The following PDE2A variants were observed in gnomAD, a reference collection of about 807,000 sequenced individuals.
The protein encoded by PDE2A is cGMP-dependent 3',5'-cyclic phosphodiesterase.
Under a neutral mutation model 133.6 loss-of-function variants are expected in PDE2A, and 53 were observed. The ratio of observed to expected loss-of-function variants is 0.40; its 90% CI spans 0.32 to 0.50. The LOEUF is 0.50. Among genes scored for constraint, PDE2A ranks in the 20% least tolerant of loss-of-function variants. The pLI is 0.73. For synonymous variants in PDE2A, 491 were observed against 490.2 expected (o/e 1.00, Z -0.02); for missense variants, 796 against 1,232.4 (o/e 0.65, Z 5.30).
intron 4 of PDE2A, among the ~76,000 whole-genome samples, chr11:72,603,837 A>G (rs1353573545): frequency 6.6e-6 from 1 of 152,222 alleles, no homozygotes; most frequent in African/African-American, 2.4e-5. Flanking sequence ...GAAGGTGGCT[A>G]TCAGAGCAGA....
Position 72,581,482 on chromosome 11 carries a change from G to C in PDE2A, c.1923-3C>G. On this transcript the variant is annotated splice_polypyrimidine_tract_variant and splice_region_variant and intron_variant, in intron 22 of 30. Coordinates refer to ENST00000334456, the MANE Select transcript of PDE2A (RefSeq NM_002599.5). Reference sequence around the variant, plus strand: ...CCTTCTTCACCATCAAACAGAACCTGGGGGAGGGAAGAGGGCAGAAGAGGG... The same window carrying C: ...CCTTCTTCACCATCAAACAGAACCTCGGGGAGGGAAGAGGGCAGAAGAGGG... 1 of 1,590,542 alleles carries C rather than the reference G, an allele frequency of 6.3e-7. No individual in the cohort carries two copies. The highest frequency in any genetic ancestry group is 8.6e-7 in the Non-Finnish European group (1 of 1,169,154).
chr11:72,632,372 T>C (rs1858450177), intron 2 of PDE2A, among the ~76,000 whole-genome samples: 1 of 152,112 alleles, frequency 6.6e-6, no homozygotes, highest in Non-Finnish European at 1.5e-5. Context: ...TGGGCCTGAG[T>C]GTCACCTGGA....
chr11:72,668,073 G>C (rs1220242689), intron 1 of PDE2A, among the ~76,000 whole-genome samples: 1 of 152,180 alleles, frequency 6.6e-6, no homozygotes, highest in Non-Finnish European at 1.5e-5. Flanking sequence ...GCTCTAATCA[G>C]AAAACCCTTG....
chr11:72,672,413 T>C (rs1241107408), intron 1 of PDE2A, among the ~76,000 whole-genome samples: 1 of 152,210 alleles, frequency 6.6e-6, no homozygotes, highest in East Asian at 1.9e-4. Context: ...CTCAAACTCC[T>C]GGCCTCAAGT....
intron 2 of PDE2A, among the ~76,000 whole-genome samples, chr11:72,609,114 C>CA (rs1268052859): frequency 2.0e-5 from 3 of 152,194 alleles, no homozygotes; most frequent in African/African-American, 7.2e-5. Context: ...AACAAGCAAA[C>CA]AAAAAAACAC....
At chr11:72,608,853 C>A in intron 2 of PDE2A, 102 bp from the exon 3 acceptor site, 2 of 674,526 alleles carry the variant, frequency 3.0e-6, no homozygotes, top group Admixed American at 2.3e-5. Context: ...TAGTCCAGAG[C>A]CCGAGTCTTT....
chr11:72,607,558 C>T (rs1336073650), intron 3 of PDE2A, among the ~76,000 whole-genome samples: 1 of 152,160 alleles, frequency 6.6e-6, no homozygotes, highest in African/African-American at 2.4e-5. Flanking sequence ...GGGCTCTGAA[C>T]TTCTAGGAGG....
chr11:72,657,415 G>C (rs899460886), intron 1 of PDE2A, among the ~76,000 whole-genome samples: 2 of 152,178 alleles, frequency 1.3e-5, no homozygotes, highest in Non-Finnish European at 2.9e-5. Flanking sequence ...CCCTCTGGAT[G>C]GAACAATCTG....
Position 72,674,340 on chromosome 11 carries a change from G to T in PDE2A, c.-133C>A. On this transcript the variant is annotated 5_prime_UTR_variant, in exon 1 of 31. Coordinates refer to ENST00000334456, the MANE Select transcript of PDE2A (RefSeq NM_002599.5). The stretch of plus-strand genomic sequence containing the variant: ...CAGTGGGCTGCCCCCTACTCAGCCT[G>T]GACTCAACACCCCAATCCAGCTCTG... 3 of 803,146 alleles carry T rather than the reference G, an allele frequency of 3.7e-6. No homozygotes were observed. In the South Asian group the frequency reaches 5.1e-5, roughly 14 times the overall value. 49.8% of individuals were successfully genotyped at this position (803,146 alleles called of 1,614,324 possible).
chr11:72,597,517 A>G lies in PDE2A; in HGVS notation c.426T>C (p.Asp142=). The change falls in exon 5 of 31, where the codon GAT becomes GAC. Residue 142 remains aspartate, a synonymous_variant. Transcript: ENST00000334456. This position sits in a 1 kb window ranked among gnomAD's most constrained non-coding sequence, Gnocchi z 4.6. The part of the protein sequence containing the change: ...LARLVAPLAP[D]TQVLVMPLAD... ...CCAGCCCCTAGCCCTTACCTTGGGT[A>G]TCAGGAGCCAGTGGAGCCACCAGCC... 1 of 1,600,448 alleles carries G rather than the reference A, an allele frequency of 6.2e-7. No individual in the cohort carries two copies. Among genetic ancestry groups the G allele is most frequent in the Non-Finnish European group, 8.5e-7 (1 of 1,174,034 alleles).
chr11:72,590,416 C>T lies in PDE2A; in HGVS notation c.703+11G>A, dbSNP rs1338685793. On this transcript the variant is annotated intron_variant, in intron 8 of 30. Transcript: ENST00000334456. The surrounding 1 kb of genome is among the most constrained non-coding windows in gnomAD (Gnocchi z 4.8). ...CCCCGCCCTCGTGACCTGTCCAGGC[C>T]GGGCCCTCACCGCACAGTTGGAGGA... The T allele has an allele frequency of 1.9e-6, 3 of 1,574,178 alleles. No individual in the cohort carries two copies. Among genetic ancestry groups the T allele is most frequent in the East Asian group, 2.3e-5 (1 of 43,830 alleles).
chr11:72,667,869 T>TAA (rs10636062), intron 1 of PDE2A, among the ~76,000 whole-genome samples: 46,134 of 132,884 alleles, frequency 0.35, 8,969 homozygotes, highest in Middle Eastern at 0.5. Flanking sequence ...CTGTCTCTAT[T>TAA]AAAAAAAAAA....
At chr11:72,579,032 A>G (rs1855591135) in intron 27 of PDE2A, 23 bp from the exon 28 acceptor site, 1 of 1,524,752 alleles carries the variant, frequency 6.6e-7, no homozygotes, top group East Asian at 2.3e-5. Context: ...GGATGGGGTC[A>G]AGGAGCGGGG....
intron 11 of PDE2A, 36 bp downstream of exon 11, chr11:72,589,715 T>C (rs368267005): frequency 1.2e-5 from 19 of 1,607,476 alleles, no homozygotes; most frequent in East Asian, 2.2e-5. Flanking sequence ...CAACCGCCCC[T>C]GCAGACTCCA....
intron 14 of PDE2A, 82 bp from the exon 15 acceptor site, chr11:72,585,675 G>T: frequency 8.0e-7 from 1 of 1,244,582 alleles, no homozygotes; most frequent in Non-Finnish European, 1.2e-6. Flanking sequence ...AACAGCACCC[G>T]GGTCTTCTCC....
chr11:72,659,081 G>A (rs1341727162), intron 1 of PDE2A, among the ~76,000 whole-genome samples: 2 of 151,898 alleles, frequency 1.3e-5, no homozygotes, highest in Non-Finnish European at 2.9e-5. Flanking sequence ...CTTTATAGTG[G>A]AGGAGACGGC....
intron 1 of PDE2A, among the ~76,000 whole-genome samples, chr11:72,643,854 T>C (rs1351889003): frequency 6.6e-6 from 1 of 152,130 alleles, no homozygotes; most frequent in Non-Finnish European, 1.5e-5. Context: ...CACCTTTCTT[T>C]CTGAGGCATG....
chr11:72,630,410 C>T (rs576096033), intron 2 of PDE2A, among the ~76,000 whole-genome samples: 59 of 152,140 alleles, frequency 3.9e-4, no homozygotes, highest in African/African-American at 1.4e-3. Flanking sequence ...CAGGAGTGAG[C>T]TTGGTCCCAT....
At chr11:72,599,176 C>T (rs1856623538) in intron 4 of PDE2A, 1 of 249,894 alleles carries the variant, frequency 4.0e-6, no homozygotes. Context: ...ACTATTTCCC[C>T]TCCCACCCCT....
Sources: gnomAD v4.1 joint callset for allele counts (sites outside exome capture counted in the v4.1 genomes callset) on GRCh38, gnomAD v4.1.1 for gene constraint, Gnocchi (gnomAD v3.1) non-coding constraint, MANE v1.5 for transcripts, NCBI Gene and HGNC (gene_info 2026-07-23, HGNC 2026-07-21) for gene names.